The following KAZN variants were observed in gnomAD, a reference collection of about 807,000 sequenced individuals.
KAZN encodes the protein kazrin, periplakin interacting protein.
KAZN carries 40 observed loss-of-function variants against 87.4 expected under a neutral mutation model. That is an observed-to-expected ratio of 0.46 (90% CI 0.36 to 0.60). KAZN has a LOEUF of 0.60. Ranked by LOEUF, KAZN falls within the 20% of genes least tolerant of loss-of-function variation. KAZN has a pLI of 0.00. For synonymous variants in KAZN, 466 were observed against 458.3 expected, an observed-to-expected ratio of 1.02 and a Z score of -0.22; for missense variants, 898 against 1,073.9, an observed-to-expected ratio of 0.84 and a Z score of 2.29.
intron 2 of KAZN, among the ~76,000 whole-genome samples, chr1:14,217,269 C>A (rs1646978157): frequency 6.6e-6 from 1 of 151,908 alleles, no homozygotes; most frequent in Non-Finnish European, 1.5e-5. Flanking sequence ...TCTGTAACAG[C>A]AACACAAAAT....
At chr1:14,457,575 CT>C (rs1200112642) in intron 2 of KAZN, among the ~76,000 whole-genome samples, 4 of 151,898 alleles carry the variant, frequency 2.6e-5, no homozygotes, top group Non-Finnish European at 5.9e-5. Flanking sequence ...TACCTTACAG[CT>C]TTTATTATTT....
At chr1:14,866,911 T>C (rs1171500638) in intron 1 of KAZN, among the ~76,000 whole-genome samples, 3 of 152,220 alleles carry the variant, frequency 2.0e-5, no homozygotes, top group Non-Finnish European at 2.9e-5. Flanking sequence ...CCCTGGTCTA[T>C]GGACACCTCT....
intron 1 of KAZN, among the ~76,000 whole-genome samples, chr1:14,004,388 C>T (rs555004784): frequency 6.6e-6 from 1 of 152,318 alleles, no homozygotes; most frequent in South Asian, 2.1e-4. Context: ...CACCAAAATA[C>T]ATGTGCATAA....
intron 1 of KAZN, among the ~76,000 whole-genome samples, chr1:14,892,070 A>AC (rs1654777792): frequency 6.6e-6 from 1 of 151,894 alleles, no homozygotes; most frequent in African/African-American, 2.4e-5. Flanking sequence ...TGTGGTGCAG[A>AC]CCCCTGAAGT....
At chr1:14,728,288 A>AT (rs1643510961) in intron 1 of KAZN, among the ~76,000 whole-genome samples, 1 of 47,004 alleles carries the variant, frequency 2.1e-5, no homozygotes, top group African/African-American at 1.2e-4. Context: ...CACCGTATAT[A>AT]TAAAAAAAAA....
intron 1 of KAZN, among the ~76,000 whole-genome samples, chr1:14,957,429 G>A (rs1009176267): frequency 2.0e-5 from 3 of 152,200 alleles, no homozygotes; most frequent in East Asian, 1.9e-4. Context: ...GATGTGTCGC[G>A]CAGTCACTGT....
chr1:14,365,388 C>A, intron 2 of KAZN, among the ~76,000 whole-genome samples: 2 of 138,306 alleles, frequency 1.4e-5, no homozygotes, highest in African/African-American at 2.7e-5. Flanking sequence ...GGGGGTCTTT[C>A]AAGGTCACCA....
chr1:14,822,826 G>A (rs1646774121), intron 1 of KAZN, among the ~76,000 whole-genome samples: 2 of 152,134 alleles, frequency 1.3e-5, no homozygotes, highest in South Asian at 4.2e-4. Flanking sequence ...CACACATGAA[G>A]ACAGGGCTGC....
chr1:14,139,781 T>C (rs897285476), intron 1 of KAZN, among the ~76,000 whole-genome samples: 1 of 152,230 alleles, frequency 6.6e-6, no homozygotes, highest in African/African-American at 2.4e-5. Context: ...TCAGCCATGC[T>C]CTGGGCCTCA....
chr1:14,747,716 A>G (rs1211912404), intron 1 of KAZN, among the ~76,000 whole-genome samples: 1 of 152,216 alleles, frequency 6.6e-6, no homozygotes, highest in East Asian at 1.9e-4. Flanking sequence ...TCTTTTGGTT[A>G]TATACTCAGG....
At chr1:14,940,123 A>C (rs1660885246) in intron 1 of KAZN, among the ~76,000 whole-genome samples, 2 of 152,106 alleles carry the variant, frequency 1.3e-5, no homozygotes, top group South Asian at 4.2e-4. Context: ...CCTCTGTAAG[A>C]GTGGGCGGGG....
intron 1 of KAZN, among the ~76,000 whole-genome samples, chr1:14,129,661 C>T (rs1644950014): frequency 6.6e-6 from 1 of 152,176 alleles, no homozygotes; most frequent in Non-Finnish European, 1.5e-5. Context: ...CCATGTTCTT[C>T]TCGTGATGGG....
chr1:14,781,715 T>C (rs1645355543), intron 1 of KAZN, among the ~76,000 whole-genome samples: 1 of 152,082 alleles, frequency 6.6e-6, no homozygotes, highest in African/African-American at 2.4e-5. Flanking sequence ...CTCACGCCTG[T>C]AATCCCAGCC....
intron 2 of KAZN, among the ~76,000 whole-genome samples, chr1:14,391,915 T>C (rs917994337): frequency 1.3e-5 from 2 of 152,198 alleles, no homozygotes; most frequent in African/African-American, 2.4e-5. Context: ...CACACACTAG[T>C]AGATATGGGA....
chr1:14,050,423 C>A (rs954763955), intron 1 of KAZN, among the ~76,000 whole-genome samples: 1 of 152,156 alleles, frequency 6.6e-6, no homozygotes, highest in Admixed American at 6.5e-5. Flanking sequence ...ACTCACAGTT[C>A]CGCATGGCTG....
chr1:14,367,406 G>A (rs1332913638), intron 2 of KAZN, among the ~76,000 whole-genome samples: 1 of 152,022 alleles, frequency 6.6e-6, no homozygotes, highest in Non-Finnish European at 1.5e-5. Context: ...AGCCTCCAAC[G>A]TCCAGCTGCT....
chr1:14,658,264 T>G (rs911236584), intron 1 of KAZN, among the ~76,000 whole-genome samples: 4 of 152,174 alleles, frequency 2.6e-5, no homozygotes, highest in Non-Finnish European at 5.9e-5. Context: ...TCTCAGTGCC[T>G]AGTGAAGATC....
intron 2 of KAZN, among the ~76,000 whole-genome samples, chr1:14,393,510 A>G (rs1237659582): frequency 6.6e-6 from 1 of 152,136 alleles, no homozygotes; most frequent in Non-Finnish European, 1.5e-5. Context: ...ATTCCTTCAA[A>G]TATCAAGGAA....
intron 1 of KAZN, among the ~76,000 whole-genome samples, chr1:14,176,692 G>T (rs1024274975): frequency 6.6e-6 from 1 of 152,090 alleles, no homozygotes; most frequent in Non-Finnish European, 1.5e-5. Context: ...CTACCCTATG[G>T]CCTATAGTTG....
Sources: gnomAD v4.1 joint callset for allele counts (sites outside exome capture counted in the v4.1 genomes callset) on GRCh38, gnomAD v4.1.1 for gene constraint, MANE v1.5 for transcripts, NCBI Gene and HGNC (gene_info 2026-07-23, HGNC 2026-07-21) for gene names.